ABCC11: variants seen among roughly 807,000 people sequenced by gnomAD.
ABCC11 encodes the protein ATP-binding cassette sub-family C member 11.
Under a neutral mutation model 149.3 loss-of-function variants are expected in ABCC11, and 135 were observed. The observed-to-expected ratio is 0.90, with a 90% CI of 0.79 to 1.04. ABCC11 has a LOEUF of 1.04. ABCC11 is among the 50% of genes least tolerant of loss of function. The pLI is 0.00. For missense variants in ABCC11, 1,680 were observed against 1,722.1 expected, an observed-to-expected ratio of 0.98 and a Z score of 0.43; for synonymous variants, 665 against 671.4, an observed-to-expected ratio of 0.99 and a Z score of 0.15.
At chr16:48,203,120 CT>C in intron 14 of ABCC11, 107 bp downstream of exon 14, 1 of 1,248,194 alleles carries the variant, frequency 8.0e-7, no homozygotes, top group Non-Finnish European at 1.1e-6. Flanking sequence ...AAAACTCCAA[CT>C]GCTTTGGGAG....
At chr16:48,176,073 T>C (rs1213270144) in intron 25 of ABCC11, 1 of 152,180 alleles carries the variant, frequency 6.6e-6, no homozygotes, top group Non-Finnish European at 1.5e-5. Flanking sequence ...AGGGTCAGAA[T>C]CTACTGAGAG....
chr16:48,177,434 C>A (rs373855363), intron 24 of ABCC11, among the ~76,000 whole-genome samples: 15 of 152,248 alleles, frequency 9.9e-5, no homozygotes, highest in Non-Finnish European at 1.8e-4. Context: ...GAGACTCCCC[C>A]CTTCGGGGGG....
chr16:48,186,301 C>T (rs1407705343), intron 22 of ABCC11, among the ~76,000 whole-genome samples: 1 of 152,228 alleles, frequency 6.6e-6, no homozygotes. Flanking sequence ...CACCTCCTTC[C>T]CCTCTGAATT....
At chr16:48,172,467 T>C (rs7184831) in intron 26 of ABCC11, among the ~76,000 whole-genome samples, 5 of 150,718 alleles carry the variant, frequency 3.3e-5, no homozygotes, top group Admixed American at 3.3e-4. Flanking sequence ...TCACTCTGTC[T>C]ACGAGGCTGG....
chr16:48,199,671 G>GT (rs1967761928), intron 15 of ABCC11, among the ~76,000 whole-genome samples: 2 of 84,358 alleles, frequency 2.4e-5, no homozygotes, highest in Admixed American at 1.6e-4. Context: ...CTTTTTTATT[G>GT]ATTTTTTTTT....
chr16:48,213,380 T>G (rs984125842), intron 10 of ABCC11, 63 bp downstream of exon 10: 2 of 1,439,676 alleles, frequency 1.4e-6, no homozygotes, highest in Non-Finnish European at 1.9e-6. Flanking sequence ...AGGAACATCA[T>G]GGGGGCTGAA....
At chr16:48,184,363 C>A in intron 23 of ABCC11, 77 bp downstream of exon 23, 1 of 1,515,956 alleles carries the variant, frequency 6.6e-7, no homozygotes, top group Non-Finnish European at 8.9e-7. Context: ...ACCTGAGGAC[C>A]CCCTGAGTCT....
At chr16:48,201,278 T>C (rs1967945676) in intron 14 of ABCC11, among the ~76,000 whole-genome samples, 1 of 151,988 alleles carries the variant, frequency 6.6e-6, no homozygotes, top group Non-Finnish European at 1.5e-5. Context: ...TATTCTGGTT[T>C]TATTTATTTG....
At chr16:48,181,593 T>C (rs1966435952) in intron 23 of ABCC11, among the ~76,000 whole-genome samples, 1 of 151,822 alleles carries the variant, frequency 6.6e-6, no homozygotes, top group African/African-American at 2.4e-5. Context: ...TGAACCTGGG[T>C]ATTCCAAACC....
intron 12 of ABCC11, 112 bp downstream of exon 12, chr16:48,208,313 G>T: frequency 8.6e-7 from 1 of 1,168,360 alleles, no homozygotes; most frequent in Non-Finnish European, 1.2e-6. Context: ...AATCCCACTT[G>T]CTCAGACCCC....
At chr16:48,244,555 T>A in intron 1 of ABCC11, 1 of 1,539,320 alleles carries the variant, frequency 6.5e-7, no homozygotes, top group Non-Finnish European at 8.7e-7. Flanking sequence ...CAAAGCACCA[T>A]CCTGGGCGTC....
intron 20 of ABCC11, among the ~76,000 whole-genome samples, chr16:48,189,257 G>T (rs1052536675): frequency 4.6e-5 from 7 of 152,210 alleles, no homozygotes; most frequent in Non-Finnish European, 1.0e-4. Context: ...TTGTGGAGGG[G>T]ACACAGGAGT....
chr16:48,179,494 A>G (rs1274095122), intron 23 of ABCC11, among the ~76,000 whole-genome samples: 1 of 152,222 alleles, frequency 6.6e-6, no homozygotes, highest in East Asian at 1.9e-4. Context: ...CAGGACGTGC[A>G]GGGGGTGCTG....
At position 48,197,974 on chromosome 16, in the gene ABCC11, C is replaced by G; in HGVS notation, c.2311G>C (p.Ala771Pro). The G allele has an allele frequency of 1.2e-6, 2 of 1,613,974 alleles. No homozygotes were observed. The highest frequency in any genetic ancestry group is 1.7e-6 in the Non-Finnish European group (2 of 1,179,992). ...TSLEESLNGN[A>P]VPEHQLTQEE... ...GTCCTATCTCCCACACCATTACCAG[C>G]ATTTCCGTTGAGAGACTCTTCCAGG... Residue 771 changes from alanine (A) to proline (P), a missense_variant, in exon 17 of 30, where the codon GCT becomes CCT. Coordinates refer to ENST00000356608, the MANE Select transcript of ABCC11 (RefSeq NM_001370497.1).
At chr16:48,213,352 C>T in intron 10 of ABCC11, 91 bp downstream of exon 10, 1 of 1,162,256 alleles carries the variant, frequency 8.6e-7, no homozygotes, top group Non-Finnish European at 1.2e-6. Context: ...TAGGCCTTGG[C>T]CAGGGGACGT....
intron 12 of ABCC11, among the ~76,000 whole-genome samples, chr16:48,207,793 C>T (rs752590481): frequency 2.0e-5 from 3 of 152,062 alleles, no homozygotes; most frequent in Admixed American, 6.5e-5. Flanking sequence ...ACCTCAAACT[C>T]GTCCACAGGG....
chr16:48,224,344 T>C lies in ABCC11; in HGVS notation c.481A>G (p.Thr161Ala), dbSNP rs774381116. The change falls in exon 5 of 30, where the codon ACA becomes GCA. Residue 161 changes from threonine (T) to alanine (A), a missense_variant. Thr to Ala is a moderately conservative substitution (Grantham distance 58, BLOSUM62 0). Coordinates refer to ENST00000356608, the MANE Select transcript of ABCC11 (RefSeq NM_001370497.1). ...AGAAGTGCATCGAAAATCAACCTTG[T>C]TCTCTGGAACCTCAGCATCACCAGA... ...VLLVMLRFQR[T>A]RLIFDALLGI... is the part of the protein sequence containing the mutation. 9 of 1,614,040 alleles carry C rather than the reference T, an allele frequency of 5.6e-6. No individual in the cohort carries two copies. The Admixed American group carries it at 1.3e-4, about 24-fold the overall frequency.
chr16:48,241,615 G>A (rs1970973999), intron 1 of ABCC11, among the ~76,000 whole-genome samples: 1 of 152,190 alleles, frequency 6.6e-6, no homozygotes, highest in African/African-American at 2.4e-5. Context: ...GAACAAAGCT[G>A]GAGGCAACAT....
chr16:48,228,411 T>C (rs747145693), intron 3 of ABCC11, among the ~76,000 whole-genome samples: 6 of 151,968 alleles, frequency 3.9e-5, no homozygotes, highest in Admixed American at 6.6e-5. Context: ...CGGGCCAACA[T>C]TGTGAAACCC....
Sources: allele counts gnomAD v4.1 joint callset (sites outside exome capture counted in the v4.1 genomes callset), GRCh38; gene constraint gnomAD v4.1.1; transcripts MANE v1.5; gene names NCBI Gene and HGNC (gene_info 2026-07-23, HGNC 2026-07-21).